GPHN: variants seen among roughly 807,000 people sequenced by gnomAD.
GPHN encodes the protein gephyrin.
GPHN carries 17 observed loss-of-function variants against 95.5 expected under a neutral mutation model. The observed-to-expected ratio is 0.18, with a 90% CI of 0.12 to 0.27. The LOEUF is 0.27. Among genes scored for constraint, GPHN ranks in the 10% least tolerant of loss-of-function variants. The probability of loss-of-function intolerance (pLI) is 1.00; values close to 1 mark genes in which losing one functional copy is unlikely to be tolerated. For synonymous variants in GPHN, 320 were observed against 322.5 expected (o/e 0.99, Z 0.08); for missense variants, 660 against 978.1 (o/e 0.67, Z 4.34).
chr14:67,372,462 T>C, the GPHN span, among the ~76,000 whole-genome samples: 3 of 152,224 alleles, frequency 2.0e-5, no homozygotes, highest in East Asian at 3.8e-4. Context: ...TAAGAACTTA[T>C]GTTCTTTAAA....
chr14:67,393,157 G>C, the GPHN span: 6 of 1,611,016 alleles, frequency 3.7e-6, no homozygotes, highest in Non-Finnish European at 5.1e-6. Flanking sequence ...CACCGAGGAA[G>C]GTCTTTTTAT....
the GPHN span, chr14:67,383,638 T>G: frequency 3.2e-6 from 2 of 628,480 alleles, no homozygotes; most frequent in Non-Finnish European, 5.3e-6. Flanking sequence ...GCTCCAACAC[T>G]TTGAGCATTT....
intron 1 of GPHN, among the ~76,000 whole-genome samples, chr14:66,533,009 A>C (rs1197786068): frequency 6.6e-6 from 1 of 152,252 alleles, no homozygotes; most frequent in African/African-American, 2.4e-5. Context: ...GAACAGGATC[A>C]GTTAACATCA....
At chr14:66,747,747 C>T (rs937743533) in intron 2 of GPHN, among the ~76,000 whole-genome samples, 1 of 151,962 alleles carries the variant, frequency 6.6e-6, no homozygotes, top group East Asian at 1.9e-4. Flanking sequence ...ATGGACATAG[C>T]TGAGGATTTT....
chr14:67,557,472 G>A, the GPHN span: 2 of 1,558,520 alleles, frequency 1.3e-6, no homozygotes, highest in Non-Finnish European at 1.7e-6. Context: ...CTGTACTGCT[G>A]GCCCCCAGCT....
chr14:67,728,692 G>A, the GPHN span, among the ~76,000 whole-genome samples: 2 of 95,380 alleles, frequency 2.1e-5, no homozygotes, highest in Non-Finnish European at 4.8e-5. Flanking sequence ...GACCGCACCA[G>A]GGATATCTTG....
chr14:67,095,736 C>A (rs2077342388), intron 12 of GPHN, among the ~76,000 whole-genome samples: 1 of 151,466 alleles, frequency 6.6e-6, no homozygotes, highest in Non-Finnish European at 1.5e-5. Context: ...CAGTGAGAAC[C>A]CATGGACACA....
In GPHN at chr14:67,066,308, G is replaced by C. The variant is rs910664696; in HGVS notation, c.1144+7522G>C. ...CTGCAGAGAGATCCGCAGTTAGTCT[G>C]ATGGGCTTCCCTTTGTGGGTAACCT... is the stretch of plus-strand genomic sequence containing the variant. On this transcript the variant is annotated intron_variant, in intron 11 of 22. Coordinates refer to ENST00000478722, the MANE Select transcript of GPHN (RefSeq NM_020806.5). Among the ~76,000 whole-genome samples, 3 of 152,314 alleles carry C rather than the reference G, an allele frequency of 2.0e-5. 1 individual carries two copies. The South Asian group carries it at 6.2e-4, about 32-fold the overall frequency.
chr14:67,028,596 T>A (rs2074038294), intron 10 of GPHN, among the ~76,000 whole-genome samples: 1 of 152,210 alleles, frequency 6.6e-6, no homozygotes, highest in Non-Finnish European at 1.5e-5. Context: ...TGGTTTTGAT[T>A]TGCATTTCTC....
the GPHN span, among the ~76,000 whole-genome samples, chr14:67,638,217 ATAT>A: frequency 6.6e-6 from 1 of 152,162 alleles, no homozygotes; most frequent in African/African-American, 2.4e-5. Flanking sequence ...ACTTAAAATA[ATAT>A]TATGTATTAT....
At chr14:67,593,274 G>C in the GPHN span, 1 of 178,270 alleles carries the variant, frequency 5.6e-6, no homozygotes, top group Admixed American at 5.6e-5. Context: ...AGGATGGCTT[G>C]AGCCCAGGAA....
At chr14:66,548,522 A>G (rs1319595778) in intron 1 of GPHN, among the ~76,000 whole-genome samples, 12 of 152,308 alleles carry the variant, frequency 7.9e-5, no homozygotes, top group African/African-American at 2.2e-4. Context: ...CTGTGTCCAT[A>G]TAATATGGTG....
the GPHN span, among the ~76,000 whole-genome samples, chr14:67,389,007 A>AT: frequency 6.6e-6 from 1 of 151,638 alleles, no homozygotes; most frequent in Non-Finnish European, 1.5e-5. Flanking sequence ...AAGTTGATAG[A>AT]TTCCTGCACA....
chr14:66,650,801 C>T (rs1180552185), intron 1 of GPHN, among the ~76,000 whole-genome samples: 1 of 152,142 alleles, frequency 6.6e-6, no homozygotes, highest in African/African-American at 2.4e-5. Context: ...CATTTTCTGT[C>T]AGCATATGCA....
chr14:67,624,551 G>A, the GPHN span, among the ~76,000 whole-genome samples: 24,667 of 152,070 alleles, frequency 0.16, 2,152 homozygotes, highest in Middle Eastern at 0.27. Flanking sequence ...GGAAGACAGC[G>A]AAGAGGGAGG....
chr14:66,834,164 C>T (rs2061695260), intron 4 of GPHN, among the ~76,000 whole-genome samples: 1 of 152,160 alleles, frequency 6.6e-6, no homozygotes, highest in Non-Finnish European at 1.5e-5. Flanking sequence ...TCCTCCTCTG[C>T]ATGACATTTC....
chr14:67,500,973 G>A, the GPHN span, among the ~76,000 whole-genome samples: 1 of 151,504 alleles, frequency 6.6e-6, no homozygotes, highest in African/African-American at 2.4e-5. Flanking sequence ...GATGAAAGTA[G>A]AAGAACAAGG....
the GPHN span, among the ~76,000 whole-genome samples, chr14:67,507,630 A>G: frequency 6.6e-6 from 1 of 152,080 alleles, no homozygotes; most frequent in African/African-American, 2.4e-5. Context: ...GTGTAAAGAC[A>G]AGGTCTCACT....
At chr14:66,767,513 G>A (rs2059009058) in intron 2 of GPHN, among the ~76,000 whole-genome samples, 1 of 151,548 alleles carries the variant, frequency 6.6e-6, no homozygotes, top group South Asian at 2.1e-4. Context: ...ATTGAGCCTA[G>A]AGAAGTAGAA....
Sources: gnomAD v4.1 joint callset for allele counts (sites outside exome capture counted in the v4.1 genomes callset) on GRCh38, gnomAD v4.1.1 for gene constraint, MANE v1.5 for transcripts, NCBI Gene and HGNC (gene_info 2026-07-23, HGNC 2026-07-21) for gene names.